TMEM132D: variants seen among roughly 807,000 people sequenced by gnomAD.
TMEM132D encodes the protein transmembrane protein 132D.
TMEM132D carries 21 observed loss-of-function variants against 62.3 expected under a neutral mutation model. That is an observed-to-expected ratio of 0.34 (90% CI 0.24 to 0.49). TMEM132D has a LOEUF of 0.49. TMEM132D is among the 20% of genes least tolerant of loss of function. The pLI, the probability that TMEM132D is intolerant of heterozygous loss-of-function variation, is 0.99. For missense variants in TMEM132D, 1,346 were observed against 1,402.8 expected (o/e 0.96, Z 0.65); for synonymous variants, 621 against 575.6 (o/e 1.08, Z -1.13).
At chr12:129,620,339 C>T (rs1440407313) in intron 2 of TMEM132D, among the ~76,000 whole-genome samples, 4 of 152,196 alleles carry the variant, frequency 2.6e-5, no homozygotes, top group African/African-American at 2.4e-5. Flanking sequence ...TGGCTCAGGC[C>T]TGCAATCCCA....
intron 2 of TMEM132D, among the ~76,000 whole-genome samples, chr12:129,625,774 C>T (rs1309388291): frequency 1.3e-5 from 2 of 152,144 alleles, no homozygotes; most frequent in Non-Finnish European, 2.9e-5. Flanking sequence ...TCACTTTATA[C>T]TTGTAGGATT....
intron 2 of TMEM132D, among the ~76,000 whole-genome samples, chr12:129,643,924 A>C (rs1879704124): frequency 1.3e-5 from 2 of 150,730 alleles, no homozygotes. Flanking sequence ...TGCTCACTGC[A>C]ACCTCGTGCA....
intron 2 of TMEM132D, among the ~76,000 whole-genome samples, chr12:129,592,307 C>T (rs945709108): frequency 1.3e-5 from 2 of 152,052 alleles, no homozygotes; most frequent in Admixed American, 6.6e-5. Context: ...CTAGATGGAC[C>T]GAGATGTAGC....
chr12:129,316,650 T>A (rs762844417), intron 4 of TMEM132D, among the ~76,000 whole-genome samples: 87 of 152,202 alleles, frequency 5.7e-4, no homozygotes, highest in Non-Finnish European at 1.2e-3. Flanking sequence ...TCTGTATATA[T>A]CTGTTAAGTC....
chr12:129,130,975 C>A (rs115270950), intron 5 of TMEM132D, among the ~76,000 whole-genome samples: 1,539 of 152,232 alleles, frequency 0.01, 30 homozygotes, highest in African/African-American at 0.035. Flanking sequence ...TTCAACCGGG[C>A]AGTGGTGGGA....
At chr12:129,132,528 C>T (rs1876410412) in intron 5 of TMEM132D, among the ~76,000 whole-genome samples, 1 of 152,156 alleles carries the variant, frequency 6.6e-6, no homozygotes, top group Non-Finnish European at 1.5e-5. Flanking sequence ...GGTCATCATG[C>T]TGCACATTAG....
intron 3 of TMEM132D, among the ~76,000 whole-genome samples, chr12:129,381,913 G>A (rs998594540): frequency 1.3e-5 from 2 of 152,096 alleles, no homozygotes; most frequent in East Asian, 1.9e-4. Context: ...GCATCCACTG[G>A]TTCTGCCTGT....
chr12:129,509,839 T>C (rs1310796163), intron 3 of TMEM132D, among the ~76,000 whole-genome samples: 1 of 152,190 alleles, frequency 6.6e-6, no homozygotes, highest in Admixed American at 6.5e-5. Context: ...CCGTTGTATA[T>C]ATGTACCTCA....
chr12:129,289,293 C>G (rs1881383351), intron 4 of TMEM132D, among the ~76,000 whole-genome samples: 1 of 152,058 alleles, frequency 6.6e-6, no homozygotes, highest in African/African-American at 2.4e-5. Context: ...CCTGTAATCC[C>G]AGCACTTTGG....
At chr12:129,846,989 T>C (rs944330393) in intron 1 of TMEM132D, among the ~76,000 whole-genome samples, 2 of 152,166 alleles carry the variant, frequency 1.3e-5, no homozygotes, top group African/African-American at 4.8e-5. Flanking sequence ...CACCAGACAA[T>C]GTATTACAAA....
intron 1 of TMEM132D, among the ~76,000 whole-genome samples, chr12:129,877,823 T>TC (rs1368111709): frequency 6.6e-6 from 1 of 151,974 alleles, no homozygotes; most frequent in Non-Finnish European, 1.5e-5. Context: ...TATTAACCAC[T>TC]CCCCATGAAA....
At chr12:129,848,801 C>A (rs1369772466) in intron 1 of TMEM132D, among the ~76,000 whole-genome samples, 1 of 152,190 alleles carries the variant, frequency 6.6e-6, no homozygotes. Context: ...GTTCAGGTCC[C>A]ATCAGCACAT....
At chr12:129,529,748 T>A (rs1876161188) in intron 3 of TMEM132D, among the ~76,000 whole-genome samples, 1 of 152,210 alleles carries the variant, frequency 6.6e-6, no homozygotes, top group Non-Finnish European at 1.5e-5. Context: ...CATCAATCTA[T>A]CCATTCCTCC....
chr12:129,681,194 T>C (rs1356445241), intron 2 of TMEM132D, among the ~76,000 whole-genome samples: 1 of 152,206 alleles, frequency 6.6e-6, no homozygotes, highest in African/African-American at 2.4e-5. Context: ...GTGGGGCTGA[T>C]TAGTGACACT....
chr12:129,337,859 T>G, intron 3 of TMEM132D, 42 bp from the exon 4 acceptor site: 1 of 1,558,430 alleles, frequency 6.4e-7, no homozygotes, highest in South Asian at 1.2e-5. Context: ...CAGGGACTGA[T>G]GAGGTATGGC....
intron 2 of TMEM132D, among the ~76,000 whole-genome samples, chr12:129,645,110 C>T (rs1243336007): frequency 6.6e-6 from 1 of 151,956 alleles, no homozygotes; most frequent in Non-Finnish European, 1.5e-5. Flanking sequence ...CCTGGAGAAT[C>T]TCCATTAATG....
intron 5 of TMEM132D, among the ~76,000 whole-genome samples, chr12:129,164,668 G>A (rs1421386853): frequency 1.3e-5 from 2 of 152,170 alleles, no homozygotes; most frequent in East Asian, 3.9e-4. Flanking sequence ...AAGGCGGCAG[G>A]AAGAAGTGCT....
intron 2 of TMEM132D, among the ~76,000 whole-genome samples, chr12:129,679,829 A>G (rs1880735631): frequency 6.6e-6 from 1 of 152,032 alleles, no homozygotes; most frequent in South Asian, 2.1e-4. Flanking sequence ...TTCTTTCAAA[A>G]TCAATTATTT....
At chr12:129,130,768 G>C (rs1876352515) in intron 5 of TMEM132D, among the ~76,000 whole-genome samples, 1 of 152,144 alleles carries the variant, frequency 6.6e-6, no homozygotes, top group Admixed American at 6.5e-5. Flanking sequence ...AGCACGTCTA[G>C]ATCAGGAGTA....
Sources: gnomAD v4.1 joint callset for allele counts (sites outside exome capture counted in the v4.1 genomes callset) on GRCh38, gnomAD v4.1.1 for gene constraint, MANE v1.5 for transcripts, NCBI Gene and HGNC (gene_info 2026-07-23, HGNC 2026-07-21) for gene names.